NKIRAS1: variants seen among roughly 807,000 people sequenced by gnomAD.
NKIRAS1 encodes the protein NF-kappa-B inhibitor-interacting Ras-like protein 1.
In NKIRAS1, 16 loss-of-function variants were observed where a neutral mutation model predicts 19.8. The observed-to-expected ratio is 0.81, with a 90% CI of 0.55 to 1.23. The LOEUF (loss-of-function observed/expected upper bound fraction) is 1.23. Ranked by LOEUF, NKIRAS1 falls within the 50% of genes most tolerant of loss-of-function variation. NKIRAS1 has a pLI of 0.00. For missense variants in NKIRAS1, 184 were observed against 220.0 expected (o/e 0.84, Z 1.04); for synonymous variants, 88 against 79.0 (o/e 1.11, Z -0.61).
chr3:23,939,349 C>T (rs934762916), intron 1 of NKIRAS1, among the ~76,000 whole-genome samples: 1 of 151,988 alleles, frequency 6.6e-6, no homozygotes. Flanking sequence ...TTTAGTGAAT[C>T]AATAAAGCAA....
chr3:23,908,584 A>C (rs1243150524), intron 3 of NKIRAS1, among the ~76,000 whole-genome samples: 3 of 152,236 alleles, frequency 2.0e-5, no homozygotes, highest in Non-Finnish European at 4.4e-5. Context: ...TCTATTTTGA[A>C]AATATAATTT....
intron 4 of NKIRAS1, among the ~76,000 whole-genome samples, chr3:23,897,601 T>G (rs923718534): frequency 6.6e-6 from 1 of 152,166 alleles, no homozygotes; most frequent in Non-Finnish European, 1.5e-5. Flanking sequence ...TCACTGCCGA[T>G]TCCTGAACAT....
At chr3:23,910,619 G>A (rs983407107) in intron 3 of NKIRAS1, among the ~76,000 whole-genome samples, 192 bp downstream of exon 3, 9 of 152,112 alleles carry the variant, frequency 5.9e-5, no homozygotes, top group African/African-American at 2.2e-4. Context: ...ATAACTTACA[G>A]CAGGCACTCT....
intron 1 of NKIRAS1, among the ~76,000 whole-genome samples, chr3:23,943,680 T>C (rs74713837): frequency 0.013 from 2,045 of 152,290 alleles, 44 homozygotes; most frequent in African/African-American, 0.046. Flanking sequence ...TGGTAGTTGA[T>C]ACATGAAAAA....
chr3:23,909,350 C>T (rs956356908), intron 3 of NKIRAS1, among the ~76,000 whole-genome samples: 3 of 151,996 alleles, frequency 2.0e-5, no homozygotes, highest in African/African-American at 4.8e-5. Flanking sequence ...GGTGAAACCC[C>T]GTCTCTACTA....
intron 1 of NKIRAS1, among the ~76,000 whole-genome samples, chr3:23,928,575 C>T (rs1272848005): frequency 6.6e-6 from 1 of 151,026 alleles, no homozygotes; most frequent in Non-Finnish European, 1.5e-5. Flanking sequence ...AAGCTGACTC[C>T]AAGTCAAGAT....
chr3:23,946,352 C>G (rs1018255429), exon 1 of NKIRAS1: 55 of 949,086 alleles, frequency 5.8e-5, no homozygotes, highest in Non-Finnish European at 6.8e-5. Context: ...AAGTGCAGGA[C>G]GAGGGCGTGC....
chr3:23,928,351 C>T (rs1705246276), intron 1 of NKIRAS1, among the ~76,000 whole-genome samples: 1 of 150,988 alleles, frequency 6.6e-6, no homozygotes, highest in African/African-American at 2.4e-5. Context: ...CATTTGAATA[C>T]CATTAGTGCT....
chr3:23,945,397 C>T (rs1575140138), intron 1 of NKIRAS1: 1 of 186,780 alleles, frequency 5.4e-6, no homozygotes, highest in East Asian at 1.5e-4. Context: ...GCCACCCTCT[C>T]TCGCTGCAGC....
chr3:23,900,454 G>C (rs1163712624), intron 4 of NKIRAS1, among the ~76,000 whole-genome samples: 1 of 151,916 alleles, frequency 6.6e-6, no homozygotes, highest in Non-Finnish European at 1.5e-5. Context: ...GGCCAACGCG[G>C]TAATACCCTG....
intron 1 of NKIRAS1, among the ~76,000 whole-genome samples, chr3:23,941,978 TA>T (rs1705507656): frequency 1.2e-5 from 1 of 86,174 alleles, no homozygotes; most frequent in Non-Finnish European, 2.8e-5. Context: ...TTTACTTATT[TA>T]TTTATTTATT....
At chr3:23,896,124 GA>G (rs1701965194) in intron 4 of NKIRAS1, among the ~76,000 whole-genome samples, 1 of 84,922 alleles carries the variant, frequency 1.2e-5, no homozygotes, top group East Asian at 4.2e-4. Flanking sequence ...GATGGAGCAA[GA>G]CTCCATCTCA....
rs1701428902 is a variant in NKIRAS1, at chr3:23,891,156, A to C, written c.*1939T>G. On this transcript the variant is annotated 3_prime_UTR_variant, in exon 5 of 5. Transcript: ENST00000425478. Reference sequence around the variant, plus strand: ...TCTACTTTGTTTAAAAAAGGTCTGAATCAGGACTTGTGAAAACCTGTAGTG... The same window carrying C: ...TCTACTTTGTTTAAAAAAGGTCTGACTCAGGACTTGTGAAAACCTGTAGTG... The C allele has an allele frequency of 6.6e-6, 1 of 152,640 alleles. No individual in the cohort carries two copies. The highest frequency in any genetic ancestry group is 1.9e-4 in the East Asian group (1 of 5,202). The allele number at this position is 152,640 out of a possible 1,614,324, so 9.5% of individuals were successfully genotyped here.
chr3:23,946,134 C>T (rs1244441157), intron 1 of NKIRAS1: 2 of 984,952 alleles, frequency 2.0e-6, no homozygotes, highest in African/African-American at 1.7e-5. Flanking sequence ...TCCTCCCCCG[C>T]GGGGTTGCAC....
chr3:23,910,154 G>GC (rs1173405147), intron 3 of NKIRAS1, among the ~76,000 whole-genome samples: 1 of 119,268 alleles, frequency 8.4e-6, no homozygotes. Flanking sequence ...ACTGCGCTCG[G>GC]CCTTTTTTTT....
intron 1 of NKIRAS1, chr3:23,945,731 C>G: frequency 1.7e-6 from 1 of 595,438 alleles, no homozygotes; most frequent in Non-Finnish European, 2.3e-6. Flanking sequence ...GCGTGTCCGC[C>G]TCTGGCTCGG....
At chr3:23,923,254 CT>C (rs1705146904) in intron 1 of NKIRAS1, 1 of 129,180 alleles carries the variant, frequency 7.7e-6, no homozygotes, top group Non-Finnish European at 1.6e-5. Flanking sequence ...TAGTTTTGCT[CT>C]TATAGCCCAG....
chr3:23,935,379 C>A (rs199712984), intron 1 of NKIRAS1, among the ~76,000 whole-genome samples: 37 of 148,926 alleles, frequency 2.5e-4, no homozygotes, highest in Non-Finnish European at 2.7e-4. Flanking sequence ...TCTGATTAGA[C>A]AAAAAAAAAA....
At chr3:23,913,149 GACA>G (rs1473527966) in intron 1 of NKIRAS1, among the ~76,000 whole-genome samples, 1 of 150,894 alleles carries the variant, frequency 6.6e-6, no homozygotes, top group African/African-American at 2.4e-5. Context: ...AGGATTAACA[GACA>G]ACGTTTGCTA....
Sources: gnomAD v4.1 joint callset for allele counts (sites outside exome capture counted in the v4.1 genomes callset) on GRCh38, gnomAD v4.1.1 for gene constraint, MANE v1.5 for transcripts, NCBI Gene and HGNC (gene_info 2026-07-23, HGNC 2026-07-21) for gene names.